The following UNC13C variants were observed in gnomAD, a reference collection of about 807,000 sequenced individuals.
UNC13C encodes protein unc-13 homolog C.
A neutral mutation model predicts 245.4 loss-of-function variants in UNC13C; 174 were observed. That is an observed-to-expected ratio of 0.71 (90% CI 0.63 to 0.80). UNC13C has a LOEUF of 0.80. Ranked by LOEUF, UNC13C falls within the 30% of genes least tolerant of loss-of-function variation. The pLI is 0.00. For synonymous variants in UNC13C, 992 were observed against 895.1 expected, an observed-to-expected ratio of 1.11 and a Z score of -1.93; for missense variants, 2,829 against 2,602.9, an observed-to-expected ratio of 1.09 and a Z score of -1.89.
At chr15:54,407,634 G>C (rs1041055430) in intron 18 of UNC13C, among the ~76,000 whole-genome samples, 2 of 152,050 alleles carry the variant, frequency 1.3e-5, no homozygotes, top group Admixed American at 6.6e-5. Flanking sequence ...ATTGAAACCA[G>C]TGTATCATAA....
chr15:54,474,958 C>A (rs916872680), intron 19 of UNC13C, among the ~76,000 whole-genome samples: 1 of 151,916 alleles, frequency 6.6e-6, no homozygotes, highest in African/African-American at 2.4e-5. Context: ...AGTGAGAGTT[C>A]ACTGAATCCC....
chr15:54,206,633 A>G (rs2034721475), intron 4 of UNC13C, among the ~76,000 whole-genome samples: 1 of 152,102 alleles, frequency 6.6e-6, no homozygotes, highest in African/African-American at 2.4e-5. Flanking sequence ...AGGTGAAGGA[A>G]ATATCTGAAG....
At chr15:54,141,792 T>G (rs1000767597) in intron 2 of UNC13C, among the ~76,000 whole-genome samples, 1 of 152,118 alleles carries the variant, frequency 6.6e-6, no homozygotes, top group African/African-American at 2.4e-5. Context: ...TTACAATACA[T>G]TTTACCCTGT....
At chr15:54,582,752 A>G (rs892706829) in intron 30 of UNC13C, among the ~76,000 whole-genome samples, 1 of 152,098 alleles carries the variant, frequency 6.6e-6, no homozygotes, top group Admixed American at 6.5e-5. Flanking sequence ...GTGAATTATG[A>G]CGACCACCAC....
the UNC13C span, among the ~76,000 whole-genome samples, chr15:53,899,829 C>T: frequency 2.6e-5 from 4 of 152,162 alleles, no homozygotes; most frequent in Non-Finnish European, 4.4e-5. Flanking sequence ...TCCCAAAGTG[C>T]TGGCAGTCTC....
chr15:53,954,313 A>G, the UNC13C span, among the ~76,000 whole-genome samples: 12 of 152,308 alleles, frequency 7.9e-5, no homozygotes, highest in East Asian at 1.9e-4. Context: ...AGAAGAGACA[A>G]TGTTTCTTTC....
chr15:53,886,992 C>G, the UNC13C span, among the ~76,000 whole-genome samples: 1 of 152,026 alleles, frequency 6.6e-6, no homozygotes, highest in East Asian at 1.9e-4. Context: ...CCAAGAGGTG[C>G]CCATGGAATT....
At chr15:54,363,758 C>T (rs1432462830) in intron 17 of UNC13C, among the ~76,000 whole-genome samples, 1 of 152,142 alleles carries the variant, frequency 6.6e-6, no homozygotes, top group African/African-American at 2.4e-5. Flanking sequence ...CTGATTTTCT[C>T]TTGCTAAAGA....
At chr15:54,148,101 A>C (rs767660519) in intron 4 of UNC13C, among the ~76,000 whole-genome samples, 1 of 152,198 alleles carries the variant, frequency 6.6e-6, no homozygotes, top group Non-Finnish European at 1.5e-5. Flanking sequence ...TGGTTGCAGA[A>C]GTGAAATAAT....
intron 17 of UNC13C, among the ~76,000 whole-genome samples, chr15:54,341,684 C>T (rs892563199): frequency 6.6e-6 from 1 of 152,132 alleles, no homozygotes; most frequent in African/African-American, 2.4e-5. Flanking sequence ...CAATATTTCT[C>T]TGCTCTTGTT....
intron 6 of UNC13C, among the ~76,000 whole-genome samples, chr15:54,237,371 T>C (rs2035729242): frequency 6.6e-6 from 1 of 152,160 alleles, no homozygotes; most frequent in Admixed American, 6.5e-5. Context: ...CATCTTGCCT[T>C]TCTGGGCCTC....
chr15:54,424,905 G>A (rs533354358), intron 19 of UNC13C, among the ~76,000 whole-genome samples: 4 of 151,648 alleles, frequency 2.6e-5, no homozygotes, highest in Admixed American at 6.6e-5. Flanking sequence ...ATCCCTCTGC[G>A]TCTCCCCAAG....
At chr15:54,466,930 G>A (rs1892202714) in intron 19 of UNC13C, among the ~76,000 whole-genome samples, 1 of 151,808 alleles carries the variant, frequency 6.6e-6, no homozygotes, top group South Asian at 2.1e-4. Context: ...ACTAATATTT[G>A]ATCCTAAAGA....
chr15:54,455,197 CTCTCTCTCTATATA>C (rs1353225325), intron 19 of UNC13C, among the ~76,000 whole-genome samples: 42 of 43,912 alleles, frequency 9.6e-4, no homozygotes, highest in African/African-American at 3.0e-3. Flanking sequence ...CTCTCTCTCT[CTCTCTCTCTATATA>C]TATATATATA....
chr15:53,898,206 C>CCATCAT, the UNC13C span, among the ~76,000 whole-genome samples: 42 of 150,996 alleles, frequency 2.8e-4, no homozygotes, highest in South Asian at 1.7e-3. Flanking sequence ...ACCACCACCA[C>CCATCAT]CATCATCATC....
intron 28 of UNC13C, among the ~76,000 whole-genome samples, chr15:54,555,109 TAAACCA>T (rs1468450937): frequency 3.3e-5 from 5 of 152,042 alleles, no homozygotes. Flanking sequence ...GTGACAGACA[TAAACCA>T]AGGAAGTCAG....
intron 1 of UNC13C, among the ~76,000 whole-genome samples, chr15:53,994,544 G>A (rs745990696): frequency 7.2e-5 from 11 of 151,954 alleles, no homozygotes; most frequent in Non-Finnish European, 1.5e-4. Context: ...ATACTCTAAA[G>A]AGGAAAAGAG....
chr15:54,107,764 G>C, intron 2 of UNC13C, among the ~76,000 whole-genome samples: 1 of 152,132 alleles, frequency 6.6e-6, no homozygotes, highest in East Asian at 1.9e-4. Context: ...CTTTAGGGTG[G>C]TTTTGCTGTT....
chr15:54,380,002 T>A lies in UNC13C; in HGVS notation c.4714-13046T>A, dbSNP rs796449071. Among the ~76,000 whole-genome samples the A allele has an allele frequency of 7.2e-5, 11 of 152,268 alleles. 1 individual carries two copies. Among genetic ancestry groups the A allele is most frequent in the African/African-American group, 2.6e-4 (11 of 41,558 alleles). On this transcript the variant is annotated intron_variant, in intron 17 of 32. Transcript: ENST00000260323. The stretch of plus-strand genomic sequence containing the variant: ...ATTTCTATGGTGAGAACAATTTATA[T>A]CTATTCTCTTAGCATTTTTCTAGAA...
Sources: gnomAD v4.1 joint callset for allele counts (sites outside exome capture counted in the v4.1 genomes callset) on GRCh38, gnomAD v4.1.1 for gene constraint, MANE v1.5 for transcripts, NCBI Gene and HGNC (gene_info 2026-07-23, HGNC 2026-07-21) for gene names.